KIAA1958: variants seen among roughly 807,000 people sequenced by gnomAD.
The protein encoded by KIAA1958 is uncharacterized protein KIAA1958.
In KIAA1958, 14 loss-of-function variants were observed where a neutral mutation model predicts 47.2. The ratio of observed to expected loss-of-function variants is 0.30; its 90% CI spans 0.20 to 0.46. KIAA1958 has a LOEUF of 0.46. Among genes scored for constraint, KIAA1958 ranks in the 20% least tolerant of loss-of-function variants. The pLI is 1.00. For synonymous variants in KIAA1958, 354 were observed against 353.3 expected, an observed-to-expected ratio of 1.00 and a Z score of -0.02; for missense variants, 803 against 909.2, an observed-to-expected ratio of 0.88 and a Z score of 1.50.
At chr9:112,523,150 G>GAA in intron 1 of KIAA1958, among the ~76,000 whole-genome samples, 2 of 152,262 alleles carry the variant, frequency 1.3e-5, no homozygotes, top group South Asian at 4.1e-4. Context: ...TTGAGAAGTG[G>GAA]TATTACATTC....
At chr9:112,656,771 G>T (rs1837159149) in intron 3 of KIAA1958, among the ~76,000 whole-genome samples, 1 of 152,126 alleles carries the variant, frequency 6.6e-6, no homozygotes, top group African/African-American at 2.4e-5. Flanking sequence ...TGGGGCTATT[G>T]AGATCCTTTA....
chr9:112,502,946 A>G (rs1834168862), intron 1 of KIAA1958, among the ~76,000 whole-genome samples: 1 of 152,260 alleles, frequency 6.6e-6, no homozygotes, highest in South Asian at 2.1e-4. Flanking sequence ...TGATGATTAT[A>G]GAGACTGTTT....
chr9:112,544,144 C>G (rs981119478), intron 1 of KIAA1958, among the ~76,000 whole-genome samples: 14 of 152,072 alleles, frequency 9.2e-5, no homozygotes, highest in African/African-American at 3.4e-4. Context: ...ATACTAGATT[C>G]ATTGTTTAGC....
intron 1 of KIAA1958, among the ~76,000 whole-genome samples, chr9:112,568,936 T>TAAAAAAAAAAAAAAAAAAAAAAAAAAAA (rs57898820): frequency 2.7e-5 from 1 of 36,454 alleles, no homozygotes; most frequent in Non-Finnish European, 4.5e-5. Flanking sequence ...ATAGGAAAAC[T>TAAAAAAAAAAAAAAAAAAAAAAAAAAAA]AAAAAAAAAA....
At chr9:112,595,249 CTATAGCACTGAGT>C (rs1835999965) in intron 2 of KIAA1958, among the ~76,000 whole-genome samples, 1 of 152,164 alleles carries the variant, frequency 6.6e-6, no homozygotes. Context: ...AGTGACGAAG[CTATAGCACTGAGT>C]TATAGCACTG....
intron 1 of KIAA1958, among the ~76,000 whole-genome samples, chr9:112,531,669 A>G (rs539127314): frequency 6.6e-6 from 1 of 152,374 alleles, no homozygotes; most frequent in South Asian, 2.1e-4. Flanking sequence ...GACATAGTCC[A>G]TAATTCAGGT....
At chr9:112,546,676 T>C (rs906065072) in intron 1 of KIAA1958, among the ~76,000 whole-genome samples, 14 of 152,302 alleles carry the variant, frequency 9.2e-5, no homozygotes, top group Admixed American at 2.6e-4. Flanking sequence ...ATAGTTTGAA[T>C]TGAACAAATA....
chr9:112,564,448 T>G (rs1230730184), intron 1 of KIAA1958, among the ~76,000 whole-genome samples: 6 of 152,292 alleles, frequency 3.9e-5, no homozygotes, highest in Admixed American at 1.3e-4. Context: ...CAAGGATTTT[T>G]GGGTAGATTG....
rs974604986 is a variant in KIAA1958 at position 112,499,680 on chromosome 9, AT to A, written c.-25+12569del. Among the ~76,000 whole-genome samples the A allele has an allele frequency of 1.4e-3, 191 of 140,774 alleles. 2 individuals carry two copies. In the East Asian group the frequency reaches 0.034, roughly 25 times the overall value. 92.4% of individuals were successfully genotyped at this position (140,774 alleles called of 152,430 possible). On this transcript the variant is annotated intron_variant, in intron 1 of 3. Coordinates refer to ENST00000337530, the MANE Select transcript of KIAA1958 (RefSeq NM_133465.4). ...AACACAAACTATATTTCCTATCTAC[AT>A]TTTTTTCTTTTTTTTTTTTTTTTTT...
At chr9:112,625,973 C>T (rs75479553) in intron 2 of KIAA1958, among the ~76,000 whole-genome samples, 2 of 152,264 alleles carry the variant, frequency 1.3e-5, no homozygotes, top group East Asian at 1.9e-4. Flanking sequence ...ACTTGGATAT[C>T]GAGCTACATA....
chr9:112,645,921 T>C (rs927193130), intron 3 of KIAA1958, 99 bp downstream of exon 3: 8 of 978,920 alleles, frequency 8.2e-6, no homozygotes, highest in Non-Finnish European at 1.0e-5. Flanking sequence ...AACGGTGGCT[T>C]TCTGCCTGGG....
At chr9:112,580,610 A>T (rs1013368940) in intron 2 of KIAA1958, among the ~76,000 whole-genome samples, 12 of 152,146 alleles carry the variant, frequency 7.9e-5, no homozygotes, top group Admixed American at 7.9e-4. Flanking sequence ...AACATGGTGA[A>T]ACCCCATCTC....
At chr9:112,619,556 G>T (rs980785322) in intron 2 of KIAA1958, among the ~76,000 whole-genome samples, 1 of 151,910 alleles carries the variant, frequency 6.6e-6, no homozygotes, top group Non-Finnish European at 1.5e-5. Flanking sequence ...TTTTCTTTTT[G>T]GGGGGAAAGG....
intron 3 of KIAA1958, among the ~76,000 whole-genome samples, chr9:112,648,938 C>T (rs1205130192): frequency 6.6e-6 from 1 of 151,922 alleles, no homozygotes; most frequent in Non-Finnish European, 1.5e-5. Context: ...AACTAGAAGA[C>T]AAGGACATTA....
At chr9:112,650,681 G>T (rs1384448534) in intron 3 of KIAA1958, among the ~76,000 whole-genome samples, 1 of 152,124 alleles carries the variant, frequency 6.6e-6, no homozygotes, top group Non-Finnish European at 1.5e-5. Context: ...CAAATGGCAA[G>T]ATATGGTAGC....
intron 2 of KIAA1958, among the ~76,000 whole-genome samples, chr9:112,588,693 T>C (rs1205218128): frequency 6.6e-6 from 1 of 152,192 alleles, no homozygotes; most frequent in African/African-American, 2.4e-5. Flanking sequence ...TCCTTCACCA[T>C]ATTTGTTTGG....
intron 2 of KIAA1958, among the ~76,000 whole-genome samples, chr9:112,577,294 C>G (rs1231224781): frequency 2.0e-5 from 3 of 152,052 alleles, no homozygotes; most frequent in South Asian, 2.1e-4. Context: ...CATGGATTGT[C>G]TTTTTCTTTC....
intron 2 of KIAA1958, among the ~76,000 whole-genome samples, chr9:112,624,468 G>A (rs1449041415): frequency 6.6e-6 from 1 of 152,128 alleles, no homozygotes; most frequent in Non-Finnish European, 1.5e-5. Flanking sequence ...AAATAGAACT[G>A]GAATAAAGAA....
intron 2 of KIAA1958, among the ~76,000 whole-genome samples, chr9:112,619,846 A>C (rs762491574): frequency 6.6e-6 from 1 of 152,214 alleles, no homozygotes; most frequent in Non-Finnish European, 1.5e-5. Context: ...ATCTAGAAGC[A>C]GTAGTCGAGA....
Sources: gnomAD v4.1 joint callset for allele counts (sites outside exome capture counted in the v4.1 genomes callset) on GRCh38, gnomAD v4.1.1 for gene constraint, MANE v1.5 for transcripts, NCBI Gene and HGNC (gene_info 2026-07-23, HGNC 2026-07-21) for gene names.